Variants in TSPEAR observed in about 807,000 individuals in gnomAD.
TSPEAR encodes the protein thrombospondin-type laminin G domain and EAR repeat-containing protein.
In TSPEAR, 69 loss-of-function variants were observed where a neutral mutation model predicts 71.6. The ratio of observed to expected loss-of-function variants is 0.96; its 90% CI spans 0.79 to 1.18. TSPEAR has a LOEUF of 1.18. TSPEAR is among the 50% of genes most tolerant of loss of function. The pLI is 0.00. For synonymous variants in TSPEAR, 402 were observed against 387.2 expected, an observed-to-expected ratio of 1.04 and a Z score of -0.45; for missense variants, 971 against 894.9, an observed-to-expected ratio of 1.09 and a Z score of -1.09.
chr21:44,538,431 C>G lies in TSPEAR; in HGVS notation c.304-4508G>C, dbSNP rs868935267. On this transcript the variant is annotated intron_variant, in intron 2 of 11. Coordinates refer to ENST00000323084, the MANE Select transcript of TSPEAR (RefSeq NM_144991.3). ...CTGTGTGGAAACTGCTGCCCCCCCC[C>G]CCCCCAAGAGGAGAACCTGGGCAGC... 2.0e-3 allele frequency among the ~76,000 whole-genome samples: 257 copies of G among 129,394 alleles called. 2 individuals carry two copies. The highest frequency in any genetic ancestry group is 7.1e-3 in the African/African-American group (211 of 29,718). The allele number at this position is 129,394 out of a possible 152,430, so 84.9% of individuals were successfully genotyped here.
chr21:44,575,143 T>C lies in TSPEAR; in HGVS notation c.83-7138A>G, dbSNP rs375137562. On this transcript the variant is annotated intron_variant, in intron 1 of 11. Coordinates refer to ENST00000323084, the MANE Select transcript of TSPEAR (RefSeq NM_144991.3). ...TGGTGTCTGCTGTTGAGCTGGACAA[T>C]GGAAGAACTGAAAGTCTATACTCAA... The C allele has an allele frequency of 5.7e-4, 546 of 957,940 alleles. 3 individuals are homozygous for C. The African/African-American group carries it at 7.6e-3, about 13-fold the overall frequency. The allele number at this position is 957,940 out of a possible 1,614,324, so 59.3% of individuals were successfully genotyped here.
chr21:44,569,394 A>G (rs782212512), intron 1 of TSPEAR, among the ~76,000 whole-genome samples: 5 of 151,938 alleles, frequency 3.3e-5, no homozygotes, highest in Non-Finnish European at 5.9e-5. Flanking sequence ...CAGTGCAGGA[A>G]CAGCCGGCAA....
chr21:44,505,701 A>G (rs2052182087), intron 10 of TSPEAR, among the ~76,000 whole-genome samples: 1 of 151,644 alleles, frequency 6.6e-6, no homozygotes, highest in African/African-American at 2.4e-5. Context: ...CTGAGACTCC[A>G]GTGACTCAAG....
chr21:44,702,167 G>A, intron 1 of TSPEAR: 2 of 1,425,008 alleles, frequency 1.4e-6, no homozygotes, highest in Non-Finnish European at 9.5e-7. Flanking sequence ...ATGGAGCAGA[G>A]ACCACCATCC....
Position 44,591,220 on chromosome 21 carries a change from T to C in TSPEAR, c.83-23215A>G, listed in dbSNP as rs1979792506. 29 of 1,401,708 alleles carry C rather than the reference T, an allele frequency of 2.1e-5. No homozygotes were observed. In the South Asian group the frequency reaches 4.0e-4, roughly 19 times the overall value. The allele number at this position is 1,401,708 out of a possible 1,614,324, so 86.8% of individuals were successfully genotyped here. ...TGGGTCTGGGGGAGTAGCTGGGGTC[T>C]CTCATGCAGCCAGCATCTGGGAAGG... On this transcript the variant is annotated intron_variant, in intron 1 of 11. Transcript: ENST00000323084.
chr21:44,599,169 T>TCTCTCTCTCTCTCTCTCTCTCC (rs1980594385), intron 1 of TSPEAR, among the ~76,000 whole-genome samples: 1 of 142,558 alleles, frequency 7.0e-6, no homozygotes, highest in Non-Finnish European at 1.5e-5. Flanking sequence ...TCTCTCTCTC[T>TCTCTCTCTCTCTCTCTCTCTCC]CTCCTTCCAT....
intron 2 of TSPEAR, among the ~76,000 whole-genome samples, chr21:44,560,132 G>A (rs1240949381): frequency 5.9e-5 from 9 of 152,168 alleles, no homozygotes; most frequent in Non-Finnish European, 1.2e-4. Flanking sequence ...ATAAAGGAAT[G>A]GAGGAAAATG....
At chr21:44,540,497 G>A (rs1472768038) in intron 2 of TSPEAR, among the ~76,000 whole-genome samples, 1 of 152,170 alleles carries the variant, frequency 6.6e-6, no homozygotes, top group African/African-American at 2.4e-5. Flanking sequence ...GTAAGAAGGG[G>A]GCTGCGGAGG....
chr21:44,634,798 C>A (rs1555936324), intron 1 of TSPEAR, among the ~76,000 whole-genome samples: 2 of 152,052 alleles, frequency 1.3e-5, no homozygotes, highest in African/African-American at 2.4e-5. Context: ...ATACTTCATA[C>A]CCACCAAGAT....
Position 44,499,703 on chromosome 21 carries a change from G to A in TSPEAR, c.*80C>T. ...GGGATGCCCTAGGCTGGGCCCACCTGGACGTCCAGGGTCAGTTGGGGGAGG... is the reference window on the plus strand; with the variant it reads ...GGGATGCCCTAGGCTGGGCCCACCTAGACGTCCAGGGTCAGTTGGGGGAGG... On this transcript the variant is annotated 3_prime_UTR_variant, in exon 12 of 12. Transcript: ENST00000323084. The A allele has an allele frequency of 1.4e-6, 2 of 1,424,196 alleles. No homozygotes were observed. The highest frequency in any genetic ancestry group is 1.9e-6 in the Non-Finnish European group (2 of 1,077,926). 88.2% of individuals were successfully genotyped at this position (1,424,196 alleles called of 1,614,324 possible). A position where few individuals can be genotyped will look rare whatever the true frequency, so the allele number is the denominator to read the frequency against.
intron 1 of TSPEAR, chr21:44,654,338 G>A (rs782380330): frequency 1.2e-6 from 2 of 1,613,996 alleles, no homozygotes; most frequent in African/African-American, 1.3e-5. Flanking sequence ...CAGAAGGGCT[G>A]GCAGCACCCA....
chr21:44,553,039 A>T (rs1555919303), intron 2 of TSPEAR, among the ~76,000 whole-genome samples: 1 of 152,242 alleles, frequency 6.6e-6, no homozygotes, highest in African/African-American at 2.4e-5. Context: ...AAATTATAGC[A>T]TGTGACTGTA....
At chr21:44,705,958 G>A (rs1195843484) in intron 1 of TSPEAR, among the ~76,000 whole-genome samples, 6 of 152,136 alleles carry the variant, frequency 3.9e-5, no homozygotes, top group East Asian at 3.8e-4. Context: ...TCCTACCAAC[G>A]TGTGATGTCT....
chr21:44,530,515 GCATCCATCCATC>G (rs112821244), intron 4 of TSPEAR, among the ~76,000 whole-genome samples: 481 of 147,546 alleles, frequency 3.3e-3, no homozygotes, highest in Non-Finnish European at 5.7e-3. Context: ...ATCTCTCCAC[GCATCCATCCATC>G]CATCCATCCA....
chr21:44,504,033 C>T (rs1339433435), intron 11 of TSPEAR, among the ~76,000 whole-genome samples: 2 of 143,706 alleles, frequency 1.4e-5, no homozygotes, highest in Non-Finnish European at 3.0e-5. Flanking sequence ...CAGCAGGAAG[C>T]AAGGCTCTGG....
chr21:44,627,867 C>A (rs376717374), intron 1 of TSPEAR: 4 of 1,613,582 alleles, frequency 2.5e-6, no homozygotes, highest in Non-Finnish European at 3.4e-6. Flanking sequence ...CCTCTGTGTC[C>A]CTCCTCTGCC....
chr21:44,556,458 C>T (rs144760439), intron 2 of TSPEAR, among the ~76,000 whole-genome samples: 2,100 of 152,002 alleles, frequency 0.014, 52 homozygotes, highest in African/African-American at 0.046. Flanking sequence ...TTTGGGAGGC[C>T]GAGGCGGGTG....
intron 2 of TSPEAR, among the ~76,000 whole-genome samples, chr21:44,552,193 G>T (rs1304628104): frequency 3.9e-5 from 6 of 152,152 alleles, no homozygotes; most frequent in African/African-American, 1.4e-4. Context: ...CTGGGGGTGG[G>T]GAGGGGCCTC....
intron 2 of TSPEAR, among the ~76,000 whole-genome samples, chr21:44,537,348 A>C (rs1484982576): frequency 1.3e-5 from 2 of 152,262 alleles, no homozygotes; most frequent in African/African-American, 4.8e-5. Context: ...AGAACAAGCT[A>C]GAACCAACGT....
Sources: gnomAD v4.1 joint callset for allele counts (sites outside exome capture counted in the v4.1 genomes callset) on GRCh38, gnomAD v4.1.1 for gene constraint, MANE v1.5 for transcripts, NCBI Gene and HGNC (gene_info 2026-07-23, HGNC 2026-07-21) for gene names.